NFATC2IP: variants seen among roughly 807,000 people sequenced by gnomAD.
The protein encoded by NFATC2IP is NFATC2-interacting protein.
In NFATC2IP, 25 loss-of-function variants were observed where a neutral mutation model predicts 40.2. That is an observed-to-expected ratio of 0.62 (90% CI 0.45 to 0.87). The LOEUF (loss-of-function observed/expected upper bound fraction) is 0.87. Ranked by LOEUF, NFATC2IP falls within the 40% of genes least tolerant of loss-of-function variation. NFATC2IP has a pLI of 0.00. For missense variants in NFATC2IP, 553 were observed against 555.6 expected, an observed-to-expected ratio of 1.00 and a Z score of 0.05; for synonymous variants, 241 against 236.3, an observed-to-expected ratio of 1.02 and a Z score of -0.18.
At position 28,965,765 on chromosome 16, in the gene NFATC2IP, T is replaced by C. The variant is rs1014558790; in HGVS notation, c.*1902T>C. The C allele has an allele frequency of 6.6e-6, 1 of 152,178 alleles. No individual in the cohort carries two copies. Among genetic ancestry groups the C allele is most frequent in the Admixed American group, 6.5e-5 (1 of 15,270 alleles). 9.4% of individuals were successfully genotyped at this position (152,178 alleles called of 1,614,324 possible). A position where few individuals can be genotyped will look rare whatever the true frequency, so the allele number is the denominator to read the frequency against. The stretch of plus-strand genomic sequence containing the variant: ...GGTATCCGTCACTGAACAGAAATTC[T>C]TAATTTTGGCTAGGCGTGATGGCTC... On this transcript the variant is annotated 3_prime_UTR_variant, in exon 8 of 8. Transcript: ENST00000320805.
chr16:28,951,259 C>G lies in NFATC2IP; in HGVS notation c.248C>G (p.Ala83Gly). The part of the protein sequence containing the change: ...VEPPEPPGPV[A>G]SRDNSNSDSE... Reference sequence around the variant, plus strand: ...CCCCCGGAGCCCCCGGGGCCGGTCGCGTCCCGGGATAACAGCAACAGTGAC... The same window carrying G: ...CCCCCGGAGCCCCCGGGGCCGGTCGGGTCCCGGGATAACAGCAACAGTGAC... Residue 83 changes from alanine to glycine, a missense_variant, in exon 1 of 8, where the codon GCG (alanine) becomes GGG (glycine). Coordinates refer to ENST00000320805, the MANE Select transcript of NFATC2IP (RefSeq NM_032815.4). The G allele has an allele frequency of 6.7e-7, 1 of 1,483,456 alleles. No individual in the cohort carries two copies. Among genetic ancestry groups the G allele is most frequent in the African/African-American group, 1.4e-5 (1 of 69,420 alleles). The allele number at this position is 1,483,456 out of a possible 1,614,324, so 91.9% of individuals were successfully genotyped here.
Position 28,965,030 on chromosome 16 carries a change from C to T in NFATC2IP, c.*1167C>T, listed in dbSNP as rs1965129862. On this transcript the variant is annotated 3_prime_UTR_variant, in exon 8 of 8. Transcript: ENST00000320805. ...GATTTTCTTTAGAACGGTGACTGAC[C>T]CTCCTACTTGAGGCCGCCCTTTTCT... 6.6e-6 allele frequency: 1 copy of T among 152,160 alleles called. No individual in the cohort carries two copies. The highest frequency in any genetic ancestry group is 1.5e-5 in the Non-Finnish European group (1 of 68,036). 9.4% of individuals were successfully genotyped at this position (152,160 alleles called of 1,614,324 possible). A position where few individuals can be genotyped will look rare whatever the true frequency, so the allele number is the denominator to read the frequency against.
chr16:28,952,398 C>G, intron 2 of NFATC2IP, 194 bp downstream of exon 2: 1 of 832,432 alleles, frequency 1.2e-6, no homozygotes, highest in Non-Finnish European at 1.8e-6. Context: ...ATTTCTGGTG[C>G]CACCTGAAGA....
intron 7 of NFATC2IP, among the ~76,000 whole-genome samples, chr16:28,962,549 A>G (rs1003164138): frequency 1.3e-5 from 2 of 152,138 alleles, no homozygotes; most frequent in Non-Finnish European, 2.9e-5. Flanking sequence ...AAAAGTCCCA[A>G]CTGTCTTATC....
chr16:28,957,021 ATTTTATTATT>A (rs1453533247), intron 5 of NFATC2IP: 3 of 151,754 alleles, frequency 2.0e-5, no homozygotes, highest in South Asian at 2.1e-4. Context: ...ATTTTATTTT[ATTTTATTATT>A]TTTTATTATT....
intron 6 of NFATC2IP, 55 bp downstream of exon 6, chr16:28,958,916 A>G (rs1332494256): frequency 1.9e-6 from 3 of 1,609,162 alleles, no homozygotes; most frequent in Non-Finnish European, 2.6e-6. Context: ...GGAAGGGGAT[A>G]TGGGGAGAGG....
At chr16:28,953,372 C>G (rs1014804235) in intron 2 of NFATC2IP, among the ~76,000 whole-genome samples, 1 of 152,130 alleles carries the variant, frequency 6.6e-6, no homozygotes, top group Non-Finnish European at 1.5e-5. Flanking sequence ...CACGCCCAGC[C>G]TGGGCAAGTT....
chr16:28,952,407 G>A, intron 2 of NFATC2IP: 1 of 764,470 alleles, frequency 1.3e-6, no homozygotes, highest in South Asian at 1.9e-5. Context: ...GCCACCTGAA[G>A]AGATGCTGAT....
chr16:28,954,457 G>T (rs1464031156), intron 2 of NFATC2IP, 108 bp from the exon 3 acceptor site: 5 of 683,190 alleles, frequency 7.3e-6, no homozygotes, highest in African/African-American at 5.3e-5. Context: ...GGGCTCCGTG[G>T]TCTCCTCCTT....
intron 5 of NFATC2IP, 142 bp downstream of exon 5, chr16:28,956,479 C>T (rs201631145): frequency 3.2e-6 from 2 of 625,244 alleles, no homozygotes; most frequent in East Asian, 5.6e-5. Flanking sequence ...TCTTTTCAGT[C>T]TGTCCTGCCT....
chr16:28,958,776 C>A lies in NFATC2IP; in HGVS notation c.906C>A (p.Ser302Arg), dbSNP rs1379096286. 1 of 1,613,640 alleles carries A rather than the reference C, an allele frequency of 6.2e-7. No individual in the cohort carries two copies. The change falls in exon 6 of 8, where the codon AGC becomes AGA. Residue 302 changes from serine to arginine, a missense_variant. Physicochemically the swap from Ser to Arg is moderately radical, Grantham distance 110 (BLOSUM62 -1). Coordinates refer to ENST00000320805, the MANE Select transcript of NFATC2IP (RefSeq NM_032815.4). ...CCACCCACCTTGGGGTGTCCCCAAG[C>A]AGGATCCTTTTGCTTTTTGGAGAGA... ...HMATHLGVSP[S>R]RILLLFGETE...
chr16:28,963,871 C>T lies in NFATC2IP; in HGVS notation c.*8C>T. Reference sequence around the variant, plus strand: ...ATTGAGGTCTGGGGCTGACACCCCACTCCCTGTTTGACGGCCCAGCCTGGA... The same window carrying T: ...ATTGAGGTCTGGGGCTGACACCCCATTCCCTGTTTGACGGCCCAGCCTGGA... On this transcript the variant is annotated 3_prime_UTR_variant, in exon 8 of 8. Transcript: ENST00000320805. The T allele has an allele frequency of 6.2e-7, 1 of 1,613,764 alleles. No homozygotes were observed. The highest frequency in any genetic ancestry group is 1.3e-5 in the African/African-American group (1 of 75,052).
intron 7 of NFATC2IP, among the ~76,000 whole-genome samples, chr16:28,959,858 G>A (rs1384604932): frequency 2.0e-5 from 3 of 152,142 alleles, no homozygotes; most frequent in Non-Finnish European, 4.4e-5. Context: ...GTGAGCCACC[G>A]CGCCTGGCCT....
intron 2 of NFATC2IP, among the ~76,000 whole-genome samples, chr16:28,953,071 CGA>C (rs1964984849): frequency 6.6e-6 from 1 of 151,264 alleles, no homozygotes; most frequent in African/African-American, 2.4e-5. Context: ...TGATCTTAGG[CGA>C]GTTTCTTTTT....
At chr16:28,961,099 G>C (rs1045808615) in intron 7 of NFATC2IP, among the ~76,000 whole-genome samples, 3 of 151,978 alleles carry the variant, frequency 2.0e-5, no homozygotes, top group Admixed American at 2.0e-4. Context: ...AGGCCAACAT[G>C]GACAGATTGC....
intron 1 of NFATC2IP, 75 bp downstream of exon 1, chr16:28,951,473 G>T: frequency 7.5e-7 from 1 of 1,338,458 alleles, no homozygotes; most frequent in South Asian, 1.9e-5. Flanking sequence ...GGCGTTCGGG[G>T]AGGGTAGGGC....
chr16:28,959,073 C>A lies in NFATC2IP; in HGVS notation c.1074C>A (p.His358Gln), dbSNP rs867352302. The A allele has an allele frequency of 6.2e-7, 1 of 1,613,020 alleles. No homozygotes were observed. Among genetic ancestry groups the A allele is most frequent in the Middle Eastern group, 1.7e-4 (1 of 6,060 alleles). ...LQLRVQGKEK[H>Q]QTLEVSLSRD... Reference sequence around the variant, plus strand: ...TCCGGGTGCAGGGAAAGGAGAAACACCAGACACTGGAAGTCTCACTGTCTC... The same window carrying A: ...TCCGGGTGCAGGGAAAGGAGAAACAACAGACACTGGAAGTCTCACTGTCTC... Residue 358 changes from histidine (H) to glutamine (Q), a missense_variant, in exon 7 of 8, where the codon CAC (histidine) becomes CAA (glutamine). Transcript: ENST00000320805.
Position 28,951,028 on chromosome 16 carries a change from G to C in NFATC2IP, c.17G>C (p.Gly6Ala). ...AAGTGTGCCATGGCGGAGCCTGTGG[G>C]GAAGCGGGGCCGCTGGTCCGGAGGT... MAEPV[G>A]KRGRWSGGSG... is the part of the protein sequence containing the mutation. The change falls in exon 1 of 8, where the codon GGG becomes GCG. Residue 6 changes from glycine (G) to alanine (A), a missense_variant. Transcript: ENST00000320805. 1 of 1,526,204 alleles carries C rather than the reference G, an allele frequency of 6.6e-7. No homozygotes were observed. The allele number at this position is 1,526,204 out of a possible 1,614,324, so 94.5% of individuals were successfully genotyped here.
chr16:28,963,975 C>G lies in NFATC2IP; in HGVS notation c.*112C>G. 3.0e-6 allele frequency: 3 copies of G among 1,000,602 alleles called. No homozygotes were observed. The highest frequency in any genetic ancestry group is 4.4e-6 in the Non-Finnish European group (3 of 681,120). 62.0% of individuals were successfully genotyped at this position (1,000,602 alleles called of 1,614,324 possible). A position where few individuals can be genotyped will look rare whatever the true frequency, so the allele number is the denominator to read the frequency against. The stretch of plus-strand genomic sequence containing the variant: ...GGTAGAACTTATCTTTAAGCTGCAG[C>G]AAAATCAAGGAGTGACTTTTGTCCC... On this transcript the variant is annotated 3_prime_UTR_variant, in exon 8 of 8. Coordinates refer to ENST00000320805, the MANE Select transcript of NFATC2IP (RefSeq NM_032815.4).
Sources: gnomAD v4.1 joint callset for allele counts (sites outside exome capture counted in the v4.1 genomes callset) on GRCh38, gnomAD v4.1.1 for gene constraint, MANE v1.5 for transcripts, NCBI Gene and HGNC (gene_info 2026-07-23, HGNC 2026-07-21) for gene names.